Variants in LCLAT1 observed in about 807,000 individuals in gnomAD.
LCLAT1 encodes 1-AGP acyltransferase 8.
A neutral mutation model predicts 30.7 loss-of-function variants in LCLAT1; 11 were observed. That is an observed-to-expected ratio of 0.36 (90% CI 0.23 to 0.59). LCLAT1 has a LOEUF of 0.59. Ranked by LOEUF, LCLAT1 falls within the 20% of genes least tolerant of loss-of-function variation. LCLAT1 has a pLI of 0.77. For synonymous variants in LCLAT1, 155 were observed against 151.3 expected (o/e 1.02, Z -0.18); for missense variants, 402 against 458.6 (o/e 0.88, Z 1.13).
At chr2:30,522,814 T>C (rs190608250) in intron 1 of LCLAT1, among the ~76,000 whole-genome samples, 134 of 152,322 alleles carry the variant, frequency 8.8e-4, no homozygotes, top group African/African-American at 2.8e-3. Flanking sequence ...TCTGGCCCCT[T>C]CGCAGGAGAA....
intron 5 of LCLAT1, chr2:30,607,915 GTTTT>G (rs934095621): frequency 6.4e-6 from 1 of 156,036 alleles, no homozygotes; most frequent in African/African-American, 2.5e-5. Flanking sequence ...ATTTTTAACA[GTTTT>G]TTTTAAAAAA....
intron 5 of LCLAT1, among the ~76,000 whole-genome samples, chr2:30,581,358 T>C (rs1389340470): frequency 6.6e-6 from 1 of 152,104 alleles, no homozygotes. Flanking sequence ...GTCCTGTCAG[T>C]CCCCCTCCAG....
At chr2:30,564,016 A>G (rs1299188263) in intron 4 of LCLAT1, among the ~76,000 whole-genome samples, 1 of 152,206 alleles carries the variant, frequency 6.6e-6, no homozygotes, top group African/African-American at 2.4e-5. Flanking sequence ...TTGAGATTCT[A>G]GAAGTGGTTG....
At chr2:30,545,527 T>TA (rs1664361526) in intron 3 of LCLAT1, among the ~76,000 whole-genome samples, 1 of 152,162 alleles carries the variant, frequency 6.6e-6, no homozygotes, top group African/African-American at 2.4e-5. Flanking sequence ...TAGACCTATG[T>TA]AACAGGGTAG....
At chr2:30,524,033 A>T (rs1440443196) in intron 1 of LCLAT1, among the ~76,000 whole-genome samples, 3 of 151,806 alleles carry the variant, frequency 2.0e-5, no homozygotes, top group Admixed American at 2.0e-4. Context: ...AGAGGTCTTG[A>T]TCTCTCAGAT....
intron 5 of LCLAT1, among the ~76,000 whole-genome samples, chr2:30,636,043 T>G (rs1422471741): frequency 6.6e-6 from 1 of 152,134 alleles, no homozygotes; most frequent in African/African-American, 2.4e-5. Flanking sequence ...TGTACGTGCT[T>G]TAAGCATTCA....
chr2:30,447,967 C>T (rs1250829441), intron 1 of LCLAT1, among the ~76,000 whole-genome samples: 1 of 151,420 alleles, frequency 6.6e-6, no homozygotes, highest in Admixed American at 6.5e-5. Context: ...CTAGCCAGGG[C>T]GGATGCCAAA....
intron 1 of LCLAT1, among the ~76,000 whole-genome samples, chr2:30,501,534 G>T (rs1300349748): frequency 6.6e-6 from 1 of 152,084 alleles, no homozygotes; most frequent in Non-Finnish European, 1.5e-5. Context: ...AATTAGTTGG[G>T]CATGGTGCCC....
At chr2:30,577,235 A>C (rs1666034081) in intron 5 of LCLAT1, among the ~76,000 whole-genome samples, 1 of 152,032 alleles carries the variant, frequency 6.6e-6, no homozygotes, top group Non-Finnish European at 1.5e-5. Context: ...AGGTTCATTT[A>C]TCGTAAGTTG....
At chr2:30,452,248 C>T (rs1421457138) in intron 1 of LCLAT1, among the ~76,000 whole-genome samples, 1 of 151,852 alleles carries the variant, frequency 6.6e-6, no homozygotes, top group East Asian at 1.9e-4. Flanking sequence ...AAAAGAGGCT[C>T]TAGTGAGAAT....
intron 5 of LCLAT1, among the ~76,000 whole-genome samples, chr2:30,632,082 G>A (rs1459167871): frequency 6.6e-6 from 1 of 152,170 alleles, no homozygotes; most frequent in Admixed American, 6.5e-5. Flanking sequence ...CACAAACAGT[G>A]CAACAGATTT....
At chr2:30,547,380 C>G (rs552880152) in intron 3 of LCLAT1, among the ~76,000 whole-genome samples, 1 of 152,128 alleles carries the variant, frequency 6.6e-6, no homozygotes, top group African/African-American at 2.4e-5. Context: ...CCACATATTA[C>G]TTAATAACTA....
At chr2:30,566,607 G>A (rs545466967) in intron 4 of LCLAT1, among the ~76,000 whole-genome samples, 28 of 152,222 alleles carry the variant, frequency 1.8e-4, no homozygotes, top group African/African-American at 6.7e-4. Flanking sequence ...TTTACTCCTA[G>A]TAAAGTTGTG....
intron 2 of LCLAT1, among the ~76,000 whole-genome samples, chr2:30,532,634 A>T (rs1686037741): frequency 6.6e-6 from 1 of 152,104 alleles, no homozygotes; most frequent in African/African-American, 2.4e-5. Context: ...TATTCTTTAC[A>T]TAGTGTCAAA....
intron 2 of LCLAT1, among the ~76,000 whole-genome samples, chr2:30,532,868 T>C (rs559423242): frequency 2.6e-4 from 39 of 152,260 alleles, no homozygotes; most frequent in Non-Finnish European, 4.9e-4. Flanking sequence ...TAATAAGATA[T>C]CTTGATTTCA....
intron 5 of LCLAT1, among the ~76,000 whole-genome samples, chr2:30,603,470 CT>C (rs778665083): frequency 0.027 from 3,843 of 142,226 alleles, 139 homozygotes; most frequent in African/African-American, 0.085. Flanking sequence ...TCAATTTTTG[CT>C]TTTTTTTTTT....
chr2:30,452,408 CTT>C (rs902397101), intron 1 of LCLAT1, among the ~76,000 whole-genome samples: 2 of 150,368 alleles, frequency 1.3e-5, no homozygotes, highest in Admixed American at 6.6e-5. Context: ...GCTAAAATGA[CTT>C]TTATATAATT....
rs1669378666 is a variant in LCLAT1, at chr2:30,642,619, C to G, written c.*2000C>G. ...AGCCGGTCTGCCCTTCCTACAAACT[C>G]AAGAGGCTCATTGTTCAAGGTGTAA... On this transcript the variant is annotated 3_prime_UTR_variant, in exon 6 of 6. Coordinates refer to ENST00000379509, the MANE Select transcript of LCLAT1 (RefSeq NM_001002257.3). The G allele has an allele frequency of 6.6e-6, 1 of 152,068 alleles. No homozygotes were observed. Among genetic ancestry groups the G allele is most frequent in the African/African-American group, 2.4e-5 (1 of 41,400 alleles). The allele number at this position is 152,068 out of a possible 1,614,324, so 9.4% of individuals were successfully genotyped here.
chr2:30,614,843 C>G (rs892622831), intron 5 of LCLAT1, among the ~76,000 whole-genome samples: 1 of 151,970 alleles, frequency 6.6e-6, no homozygotes, highest in African/African-American at 2.4e-5. Context: ...TATTAGGGAT[C>G]GGAGAACCAG....
Sources: gnomAD v4.1 joint callset for allele counts (sites outside exome capture counted in the v4.1 genomes callset) on GRCh38, gnomAD v4.1.1 for gene constraint, MANE v1.5 for transcripts, NCBI Gene and HGNC (gene_info 2026-07-23, HGNC 2026-07-21) for gene names.